CPZ: variants seen among roughly 807,000 people sequenced by gnomAD.
The protein encoded by CPZ is carboxypeptidase Z, also known as VEZT/CPZ fusion.
A neutral mutation model predicts 61.8 loss-of-function variants in CPZ; 103 were observed. That is an observed-to-expected ratio of 1.67 (90% confidence interval 1.42 to 1.96). The LOEUF is 1.96. Ranked by LOEUF, CPZ falls within the 30% of genes most tolerant of loss-of-function variation. The pLI, the probability that CPZ is intolerant of heterozygous loss-of-function variation, is 0.00. For missense variants in CPZ, 1,461 were observed against 914.9 expected (o/e 1.60, Z -7.70); for synonymous variants, 551 against 373.7 (o/e 1.47, Z -5.47).
intron 9 of CPZ, among the ~76,000 whole-genome samples, chr4:8,615,687 C>T (rs932442994): frequency 6.6e-5 from 10 of 152,142 alleles, no homozygotes; most frequent in Non-Finnish European, 1.2e-4. Context: ...CCAATGTCTG[C>T]GAGCCAGCCA....
At chr4:8,606,316 G>A (rs578004678) in intron 5 of CPZ, 131 bp downstream of exon 5, 18 of 907,944 alleles carry the variant, frequency 2.0e-5, no homozygotes, top group Admixed American at 1.4e-4. Context: ...AGCAGGTGTC[G>A]ATACTGGCAA....
chr4:8,592,984 C>T (rs1300886095), intron 1 of CPZ, 63 bp downstream of exon 1: 11 of 1,312,634 alleles, frequency 8.4e-6, no homozygotes, highest in Non-Finnish European at 1.0e-5. Context: ...GAGTGTGATC[C>T]GTCGCTTCCC....
Position 8,614,481 on chromosome 4 carries a change from C to T in CPZ, c.1486C>T (p.Leu496=), listed in dbSNP as rs751617864. The change falls in exon 9 of 11, where the codon CTG becomes TTG. Residue 496 remains leucine (L), a synonymous_variant. Transcript: ENST00000360986. The part of the protein sequence containing the change: ...ILWQHNKESL[L]NFVETVHRGI... Reference sequence around the variant, plus strand: ...CTGGCAGCACAACAAGGAGTCACTCCTGAATTTCGTGGAGACGGTGAGTTC... The same window carrying T: ...CTGGCAGCACAACAAGGAGTCACTCTTGAATTTCGTGGAGACGGTGAGTTC... The T allele has an allele frequency of 1.2e-6, 2 of 1,613,754 alleles. No individual in the cohort carries two copies. The highest frequency in any genetic ancestry group is 1.1e-5 in the South Asian group (1 of 91,028).
At chr4:8,612,794 T>C (rs1715824810) in intron 8 of CPZ, among the ~76,000 whole-genome samples, 1 of 152,186 alleles carries the variant, frequency 6.6e-6, no homozygotes, top group African/African-American at 2.4e-5. Context: ...ACATCACAGA[T>C]GAGAGCGCTG....
chr4:8,598,430 T>C (rs1714336263), intron 1 of CPZ, among the ~76,000 whole-genome samples: 1 of 152,224 alleles, frequency 6.6e-6, no homozygotes, highest in Non-Finnish European at 1.5e-5. Flanking sequence ...CAAGGTTCTG[T>C]CCCAGGTTTT....
rs780535153 is a variant in CPZ at position 8,607,399 on chromosome 4, ATGT to A, written c.1203_1205del (p.Met401_Phe402delinsIle). 45 of 1,613,872 alleles carry A rather than the reference ATGT, an allele frequency of 2.8e-5. No homozygotes were observed. The highest frequency in any genetic ancestry group is 3.7e-5 in the Non-Finnish European group (44 of 1,179,938). Reference sequence around the variant, plus strand: ...CTCCAAGCACCCCCAGGAGGAGAAGATGTTTTCTCCCACGCCCGACGAGAAGGT... The same window carrying A: ...CTCCAAGCACCCCCAGGAGGAGAAGATTTCTCCCACGCCCGACGAGAAGGT... On this transcript the variant is annotated inframe_deletion, in exon 7 of 11. Coordinates refer to ENST00000360986, the MANE Select transcript of CPZ (RefSeq NM_001014447.3).
chr4:8,607,803 G>A (rs879847519), intron 7 of CPZ, among the ~76,000 whole-genome samples: 1 of 152,046 alleles, frequency 6.6e-6, no homozygotes, highest in African/African-American at 2.4e-5. Context: ...GCCGGCAGAG[G>A]GCAGTGCTGC....
chr4:8,595,345 C>T (rs1485170893), intron 1 of CPZ, among the ~76,000 whole-genome samples: 4 of 152,134 alleles, frequency 2.6e-5, no homozygotes, highest in South Asian at 2.1e-4. Flanking sequence ...CAGGGGGATC[C>T]GGGGATGTCT....
rs540063642 is a variant in CPZ at position 8,619,127 on chromosome 4, G to C, written c.1604-135G>C. 2,062 of 711,642 alleles carry C rather than the reference G, an allele frequency of 2.9e-3. 10 individuals are homozygous for C. Among genetic ancestry groups the C allele is most frequent in the Non-Finnish European group, 3.1e-3 (1,321 of 429,952 alleles). The allele number at this position is 711,642 out of a possible 1,614,324, so 44.1% of individuals were successfully genotyped here. Reference sequence around the variant, plus strand: ...GAAAAGGGGTGGGAAGGACGTTCCAGGCCCACACAGAGGCAAGTGCACATT... The same window carrying C: ...GAAAAGGGGTGGGAAGGACGTTCCACGCCCACACAGAGGCAAGTGCACATT... On this transcript the variant is annotated intron_variant, in intron 10 of 10. Transcript: ENST00000360986.
At position 8,607,347 on chromosome 4, in the gene CPZ, C is replaced by A. The variant is rs773648711; in HGVS notation, c.1149C>A (p.Asp383Glu). 1 of 1,614,126 alleles carries A rather than the reference C, an allele frequency of 6.2e-7. No homozygotes were observed. Among genetic ancestry groups the A allele is most frequent in the Non-Finnish European group, 8.5e-7 (1 of 1,179,988 alleles). Residue 383 changes from aspartate (D) to glutamate (E), a missense_variant, in exon 7 of 11, where the codon GAC becomes GAA. By Grantham distance (45) the Asp-to-Glu change is conservative. Transcript: ENST00000360986. ...TCTCAGCCAGCCTTCATGGGGGCGACCTGGTGGTGTCCTACCCCTTCGACT... is the reference window on the plus strand; with the variant it reads ...TCTCAGCCAGCCTTCATGGGGGCGAACTGGTGGTGTCCTACCCCTTCGACT... ...FVLSASLHGG[D>E]LVVSYPFDFS...
At position 8,592,924 on chromosome 4, in the gene CPZ, A is replaced by G. The variant is rs1713899681; in HGVS notation, c.88+3A>G. The G allele has an allele frequency of 6.5e-7, 1 of 1,533,980 alleles. No homozygotes were observed. The highest frequency in any genetic ancestry group is 8.7e-7 in the Non-Finnish European group (1 of 1,143,184). ...CGAGTTTGAGCGGAACCCCGCCGGT[A>G]AGGCCGTCCCCTGCCCCCACCCTCC... On this transcript the variant is annotated splice_donor_region_variant and intron_variant, in intron 1 of 10. Transcript: ENST00000360986.
chr4:8,619,595 C>G lies in CPZ; in HGVS notation c.1937C>G (p.Pro646Arg). The change falls in exon 11 of 11, where the codon CCA becomes CGA. Residue 646 changes from proline (P) to arginine (R), a missense_variant. Pro to Arg is a moderately radical substitution (Grantham distance 103, BLOSUM62 -2). Coordinates refer to ENST00000360986, the MANE Select transcript of CPZ (RefSeq NM_001014447.3). ...TTCACATCGCTGAGCACCCACAGGC[C>G]ACGCTGGCTGCTCAAGTACTAGCCC... ...SYFTSLSTHR[P>R]RWLLKY is the part of the protein sequence containing the mutation. 1 of 1,508,896 alleles carries G rather than the reference C, an allele frequency of 6.6e-7. No individual in the cohort carries two copies. The highest frequency in any genetic ancestry group is 8.9e-7 in the Non-Finnish European group (1 of 1,129,240). The allele number at this position is 1,508,896 out of a possible 1,614,324, so 93.5% of individuals were successfully genotyped here.
In CPZ at chr4:8,601,205, G is replaced by A. The variant is rs1280637781; in HGVS notation, c.204G>A (p.Arg68=). 6 of 1,613,148 alleles carry A rather than the reference G, an allele frequency of 3.7e-6. No homozygotes were observed. Among genetic ancestry groups the A allele is most frequent in the African/African-American group, 1.3e-5 (1 of 74,920 alleles). ...HTTFPNLLQH[R]SWEVVEASSE... ...CCTTCCCCAACCTGCTTCAGCACCG[G>A]TCGTGGGAGGTGGTGGAGGCCAGCT... Residue 68 remains arginine (R), a synonymous_variant, in exon 3 of 11, where the codon CGG becomes CGA. Transcript: ENST00000360986.
intron 1 of CPZ, among the ~76,000 whole-genome samples, chr4:8,594,160 G>T (rs3775885): frequency 6.6e-6 from 1 of 152,194 alleles, no homozygotes; most frequent in Non-Finnish European, 1.5e-5. Flanking sequence ...GAGCACAGCC[G>T]TGGCATCGGC....
chr4:8,619,707 T>G lies in CPZ; in HGVS notation c.*90T>G, dbSNP rs766938685. ...CTCTTGATTTTGTCTGCCACAGACA[T>G]CCCACAAAGCCGCTGCCATTTTATT... On this transcript the variant is annotated 3_prime_UTR_variant, in exon 11 of 11. Coordinates refer to ENST00000360986, the MANE Select transcript of CPZ (RefSeq NM_001014447.3). 1 of 999,686 alleles carries G rather than the reference T, an allele frequency of 1.0e-6. No homozygotes were observed. Among genetic ancestry groups the G allele is most frequent in the Non-Finnish European group, 1.4e-6 (1 of 714,558 alleles). 61.9% of individuals were successfully genotyped at this position (999,686 alleles called of 1,614,324 possible).
rs12650877 is a variant in CPZ at position 8,618,426 on chromosome 4, C to T, written c.1504-3C>T. The stretch of plus-strand genomic sequence containing the variant: ...CTCCCTGGCCTCCCCTTGGTCTCTT[C>T]AGGTGCACCGGGGCATCAAAGGTGT... On this transcript the variant is annotated splice_polypyrimidine_tract_variant and splice_region_variant and intron_variant, in intron 9 of 10. Coordinates refer to ENST00000360986, the MANE Select transcript of CPZ (RefSeq NM_001014447.3). The T allele has an allele frequency of 0.012, 19,990 of 1,614,042 alleles. 401 individuals carry two copies. The highest frequency in any genetic ancestry group is 0.098 in the East Asian group (4,393 of 44,870).
intron 1 of CPZ, among the ~76,000 whole-genome samples, chr4:8,595,886 A>G (rs905228196): frequency 1.3e-5 from 2 of 152,218 alleles, no homozygotes; most frequent in African/African-American, 2.4e-5. Context: ...AAGTTCACAC[A>G]TGACAACAGA....
At chr4:8,602,821 A>C (rs1714672594) in intron 3 of CPZ, 1 of 152,274 alleles carries the variant, frequency 6.6e-6, no homozygotes, top group African/African-American at 2.4e-5. Context: ...TCAGGTGCTC[A>C]GGGCTGAACC....
chr4:8,618,898 C>G (rs1402626533), intron 10 of CPZ, among the ~76,000 whole-genome samples: 1 of 152,144 alleles, frequency 6.6e-6, no homozygotes, highest in African/African-American at 2.4e-5. Context: ...TGTGCGGGCT[C>G]TGGCTGTCCT....
Sources: allele counts gnomAD v4.1 joint callset (sites outside exome capture counted in the v4.1 genomes callset), GRCh38; gene constraint gnomAD v4.1.1; transcripts MANE v1.5; gene names NCBI Gene and HGNC (gene_info 2026-07-23, HGNC 2026-07-21).